FBN2: variants seen among roughly 807,000 people sequenced by gnomAD.
The protein encoded by FBN2 is fibrillin-2.
Under a neutral mutation model 355.6 loss-of-function variants are expected in FBN2, and 105 were observed. The observed-to-expected ratio is 0.30, with a 90% CI of 0.25 to 0.35. FBN2 has a LOEUF of 0.35. Ranked by LOEUF, FBN2 falls within the 10% of genes least tolerant of loss-of-function variation. The pLI, the probability that FBN2 is intolerant of heterozygous loss-of-function variation, is 1.00. For synonymous variants in FBN2, 1,350 were observed against 1,301.2 expected, an observed-to-expected ratio of 1.04 and a Z score of -0.81; for missense variants, 3,280 against 3,758.7, an observed-to-expected ratio of 0.87 and a Z score of 3.33.
intron 6 of FBN2, among the ~76,000 whole-genome samples, chr5:128,460,130 C>T (rs2409538): frequency 0.27 from 41,052 of 152,104 alleles, 7,212 homozygotes; most frequent in African/African-American, 0.5. Context: ...GATACAAAAT[C>T]GGTGTGCAAA....
In FBN2 at chr5:128,422,078, T is replaced by G. The variant is rs556696423; in HGVS notation, c.953-13279A>C. On this transcript the variant is annotated intron_variant, in intron 7 of 64. Coordinates refer to ENST00000262464, the MANE Select transcript of FBN2 (RefSeq NM_001999.4). Reference sequence around the variant, plus strand: ...AGGAACGAGGGTAGCCTCTCGAAACTTGAAAAGGCAAAAAAATGGACTGTA... The same window carrying G: ...AGGAACGAGGGTAGCCTCTCGAAACGTGAAAAGGCAAAAAAATGGACTGTA... Among the ~76,000 whole-genome samples the G allele has an allele frequency of 2.6e-5, 4 of 152,254 alleles. No individual in the cohort carries two copies. In the East Asian group the frequency reaches 7.7e-4, roughly 29 times the overall value.
At position 128,338,984 on chromosome 5, in the gene FBN2, C is replaced by T; in HGVS notation, c.3421G>A (p.Glu1141Lys). 2.5e-6 allele frequency: 4 copies of T among 1,614,078 alleles called. No homozygotes were observed. The highest frequency in any genetic ancestry group is 1.7e-5 in the Admixed American group (1 of 60,028). ...CCACTTTCATAGCCTTCGAAGCACT[C>T]GCACTCAAAGCTGCCCGGTGTATTG... ...CVNTPGSFEC[E>K]CFEGYESGFM... The change falls in exon 26 of 65, where the codon GAG becomes AAG. Residue 1141 changes from glutamate to lysine, a missense_variant. Around this residue, in one of 6 missense-constraint regions of FBN2, gnomAD observed 2,284 missense variants for 2,749.5 expected, o/e 0.83. Coordinates refer to ENST00000262464, the MANE Select transcript of FBN2 (RefSeq NM_001999.4).
chr5:128,368,420 G>GTATATATA (rs369622754), intron 16 of FBN2, among the ~76,000 whole-genome samples: 11 of 124,504 alleles, frequency 8.8e-5, no homozygotes, highest in African/African-American at 2.6e-4. Flanking sequence ...GTGTGTGTGT[G>GTATATATA]TATATATATA....
chr5:128,426,610 A>C (rs1753488648), intron 7 of FBN2, among the ~76,000 whole-genome samples: 2 of 152,156 alleles, frequency 1.3e-5, no homozygotes, highest in Non-Finnish European at 2.9e-5. Flanking sequence ...CAGATAAATA[A>C]AATGTAACAA....
chr5:128,508,963 T>G (rs1339535322), intron 5 of FBN2, among the ~76,000 whole-genome samples: 1 of 152,084 alleles, frequency 6.6e-6, no homozygotes, highest in Non-Finnish European at 1.5e-5. Flanking sequence ...TAATTTGTTG[T>G]TATTTTTATC....
intron 34 of FBN2, among the ~76,000 whole-genome samples, chr5:128,326,729 G>T (rs1440219406): frequency 6.6e-6 from 1 of 152,096 alleles, no homozygotes; most frequent in East Asian, 1.9e-4. Flanking sequence ...CTCAAAAGCT[G>T]GTGTTCAGCT....
intron 57 of FBN2, 129 bp from the exon 58 acceptor site, chr5:128,278,134 G>C (rs1765442861): frequency 2.2e-6 from 2 of 895,186 alleles, no homozygotes; most frequent in South Asian, 2.8e-5. Context: ...TAGCACTGGA[G>C]CACCTGTTCA....
chr5:128,297,051 T>C (rs2126828722), intron 48 of FBN2, among the ~76,000 whole-genome samples: 1 of 152,340 alleles, frequency 6.6e-6, no homozygotes, highest in East Asian at 1.9e-4. Context: ...TTGTTCTCGC[T>C]GGTTTCAAAT....
At chr5:128,413,479 T>A (rs1252903468) in intron 7 of FBN2, among the ~76,000 whole-genome samples, 3 of 152,146 alleles carry the variant, frequency 2.0e-5, no homozygotes, top group African/African-American at 7.2e-5. Flanking sequence ...TCTTCAGTAA[T>A]GTGAAGACTC....
At chr5:128,322,549 C>A (rs1750410416) in intron 34 of FBN2, among the ~76,000 whole-genome samples, 1 of 152,180 alleles carries the variant, frequency 6.6e-6, no homozygotes, top group African/African-American at 2.4e-5. Flanking sequence ...GGAATCCTCT[C>A]CCCATTGCTT....
chr5:128,329,069 ATAT>A (rs1221268415), intron 33 of FBN2, among the ~76,000 whole-genome samples: 1 of 152,158 alleles, frequency 6.6e-6, no homozygotes, highest in Non-Finnish European at 1.5e-5. Flanking sequence ...TCCAATTGTA[ATAT>A]TATTAATAGG....
Position 128,302,920 on chromosome 5 carries a change from C to T in FBN2, c.5917+53G>A, listed in dbSNP as rs150795162. 3.9e-4 allele frequency: 396 copies of T among 1,027,766 alleles called. 2 individuals are homozygous for T. The African/African-American group carries it at 5.4e-3, about 14-fold the overall frequency. The allele number at this position is 1,027,766 out of a possible 1,614,324, so 63.7% of individuals were successfully genotyped here. ...TCTTTAGTTTTGTTTTTTATTTCAG[C>T]ACATTGTGTGGAAATGAAATAGAAG... On this transcript the variant is annotated intron_variant, in intron 46 of 64. Transcript: ENST00000262464.
chr5:128,521,324 C>CA lies in FBN2; in HGVS notation c.533-1957dup, dbSNP rs376067012. On this transcript the variant is annotated intron_variant, in intron 4 of 64. Coordinates refer to ENST00000262464, the MANE Select transcript of FBN2 (RefSeq NM_001999.4). ...AAGTGGGAACTGAACGATGAGAACA[C>CA]ATGGACACTGGGAGAGGAACAACAC... 7.5e-4 allele frequency among the ~76,000 whole-genome samples: 114 copies of CA among 152,190 alleles called. 1 individual carries two copies. The highest frequency in any genetic ancestry group is 2.7e-3 in the African/African-American group (112 of 41,522).
At position 128,322,669 on chromosome 5, in the gene FBN2, G is replaced by A. The variant is rs181353132; in HGVS notation, c.4472-3668C>T. ...ATCTCTGTTTTGGTACCAGTACCAT[G>A]CTGTTATGGTTACTGTGGCCTTGTA... On this transcript the variant is annotated intron_variant, in intron 34 of 64. Transcript: ENST00000262464. Among the ~76,000 whole-genome samples the A allele has an allele frequency of 1.2e-4, 18 of 152,272 alleles. No homozygotes were observed. The East Asian group carries it at 3.1e-3, about 26-fold the overall frequency.
intron 39 of FBN2, among the ~76,000 whole-genome samples, chr5:128,311,086 C>G (rs1018358887): frequency 1.3e-5 from 2 of 151,762 alleles, no homozygotes; most frequent in African/African-American, 4.8e-5. Flanking sequence ...TTAATCAACC[C>G]TCCTGGAAAA....
chr5:128,284,027 C>T (rs1408014810), intron 55 of FBN2, among the ~76,000 whole-genome samples: 1 of 152,144 alleles, frequency 6.6e-6, no homozygotes, highest in Non-Finnish European at 1.5e-5. Context: ...CTTTTTCTCT[C>T]GTCTGGATGT....
chr5:128,359,206 A>G (rs1751577427), intron 19 of FBN2, among the ~76,000 whole-genome samples: 1 of 152,060 alleles, frequency 6.6e-6, no homozygotes. Context: ...TATTTGTTAT[A>G]TATTTAAAAT....
chr5:128,467,721 T>C (rs1319648500), intron 5 of FBN2, among the ~76,000 whole-genome samples: 1 of 152,174 alleles, frequency 6.6e-6, no homozygotes, highest in Non-Finnish European at 1.5e-5. Context: ...CTTAGTATGT[T>C]GGAACTAATG....
intron 48 of FBN2, among the ~76,000 whole-genome samples, chr5:128,299,179 A>G (rs1404912283): frequency 6.6e-6 from 1 of 151,922 alleles, no homozygotes. Context: ...TTGAGGAGGC[A>G]GTCTGCCCGT....
Sources: allele counts gnomAD v4.1 joint callset (sites outside exome capture counted in the v4.1 genomes callset), GRCh38; gene constraint gnomAD v4.1.1; regional missense constraint gnomAD v4.1.1; transcripts MANE v1.5; gene names NCBI Gene and HGNC (gene_info 2026-07-23, HGNC 2026-07-21).